AGBL4: variants seen among roughly 807,000 people sequenced by gnomAD.
AGBL4 encodes cytosolic carboxypeptidase 6.
A neutral mutation model predicts 66.4 loss-of-function variants in AGBL4; 58 were observed. That is an observed-to-expected ratio of 0.87 (90% CI 0.71 to 1.09). The LOEUF (loss-of-function observed/expected upper bound fraction) is 1.09, where lower values mean the gene tolerates loss of function less well. Ranked by LOEUF, AGBL4 falls within the 50% of genes least tolerant of loss-of-function variation. AGBL4 has a pLI of 0.00. For synonymous variants in AGBL4, 234 were observed against 222.9 expected, an observed-to-expected ratio of 1.05 and a Z score of -0.44; for missense variants, 579 against 631.0, an observed-to-expected ratio of 0.92 and a Z score of 0.88.
chr1:48,804,162 C>G (rs1350104140), intron 6 of AGBL4, among the ~76,000 whole-genome samples: 1 of 152,160 alleles, frequency 6.6e-6, no homozygotes, highest in Non-Finnish European at 1.5e-5. Flanking sequence ...ACTGCAACAA[C>G]TCTCTCCACC....
intron 5 of AGBL4, among the ~76,000 whole-genome samples, chr1:48,985,643 C>T (rs1480036929): frequency 2.0e-5 from 3 of 151,868 alleles, no homozygotes; most frequent in Non-Finnish European, 2.9e-5. Flanking sequence ...CTTCAAAGAA[C>T]GAAACTGTTT....
chr1:49,148,234 T>G (rs1646258120), intron 4 of AGBL4, among the ~76,000 whole-genome samples: 2 of 152,200 alleles, frequency 1.3e-5, no homozygotes, highest in Non-Finnish European at 2.9e-5. Context: ...GTGTCGTTAT[T>G]ATTACTATCT....
intron 3 of AGBL4, among the ~76,000 whole-genome samples, chr1:49,531,219 C>G (rs572271379): frequency 6.6e-6 from 1 of 152,244 alleles, no homozygotes; most frequent in African/African-American, 2.4e-5. Flanking sequence ...GAGACCTAAG[C>G]TGCTGAGAAG....
intron 3 of AGBL4, among the ~76,000 whole-genome samples, chr1:49,650,825 C>T (rs1473039691): frequency 5.9e-5 from 9 of 152,124 alleles, no homozygotes; most frequent in Admixed American, 1.3e-4. Flanking sequence ...GAAACAGATA[C>T]GGAGGAGTAA....
At chr1:49,018,073 G>A (rs1287679268) in intron 5 of AGBL4, among the ~76,000 whole-genome samples, 3 of 152,116 alleles carry the variant, frequency 2.0e-5, no homozygotes, top group Admixed American at 6.5e-5. Flanking sequence ...CTAGGAATAA[G>A]GGACCAGGTA....
chr1:49,436,250 A>C (rs1342389657), intron 3 of AGBL4, among the ~76,000 whole-genome samples: 2 of 152,198 alleles, frequency 1.3e-5, no homozygotes, highest in African/African-American at 2.4e-5. Flanking sequence ...GAAGTCGGTA[A>C]GTATAACAGT....
chr1:49,830,904 G>C (rs1180005671), intron 2 of AGBL4, among the ~76,000 whole-genome samples: 1 of 152,154 alleles, frequency 6.6e-6, no homozygotes, highest in East Asian at 1.9e-4. Context: ...GTTTGTCAAA[G>C]ATCAGATGGT....
In AGBL4 at chr1:49,629,830, TG is replaced by T. The variant is rs551764105; in HGVS notation, c.282+67482del. On this transcript the variant is annotated intron_variant, in intron 3 of 13. Transcript: ENST00000371839. ...GAAACATGGCCACCTCTTCTATTAA[TG>T]GTTTTCAGAAAACTGACTCAGGTCC... 1.5e-3 allele frequency among the ~76,000 whole-genome samples: 226 copies of T among 152,266 alleles called. 4 individuals carry two copies. Among genetic ancestry groups the T allele is most frequent in the African/African-American group, 5.3e-3 (219 of 41,552 alleles).
intron 1 of AGBL4, among the ~76,000 whole-genome samples, chr1:49,873,272 A>C (rs1224648768): frequency 6.6e-6 from 1 of 151,970 alleles, no homozygotes; most frequent in African/African-American, 2.4e-5. Context: ...TAAAATTATA[A>C]TAACATGGGA....
chr1:49,127,320 C>T (rs1645785773), intron 4 of AGBL4, among the ~76,000 whole-genome samples: 1 of 152,108 alleles, frequency 6.6e-6, no homozygotes, highest in South Asian at 2.1e-4. Flanking sequence ...TAAAATACTA[C>T]AAATTGGGTT....
At chr1:49,070,284 G>T (rs1191124004) in intron 4 of AGBL4, among the ~76,000 whole-genome samples, 1 of 151,942 alleles carries the variant, frequency 6.6e-6, no homozygotes, top group Non-Finnish European at 1.5e-5. Flanking sequence ...TAGGAGTGGT[G>T]AGAGAAGGTA....
chr1:49,959,015 TAA>T (rs558858713), intron 1 of AGBL4, among the ~76,000 whole-genome samples: 4 of 129,598 alleles, frequency 3.1e-5, no homozygotes, highest in Admixed American at 1.6e-4. Flanking sequence ...CAGCCCAAGA[TAA>T]AAAAAAAAAA....
intron 3 of AGBL4, among the ~76,000 whole-genome samples, chr1:49,454,386 C>T (rs1289378000): frequency 6.6e-6 from 1 of 151,746 alleles, no homozygotes; most frequent in Non-Finnish European, 1.5e-5. Context: ...GTGGAACAGG[C>T]TTCCTTGTGA....
At chr1:49,853,112 T>A (rs1457069252) in intron 1 of AGBL4, among the ~76,000 whole-genome samples, 2 of 152,018 alleles carry the variant, frequency 1.3e-5, no homozygotes, top group East Asian at 3.9e-4. Flanking sequence ...AGCCAAAATA[T>A]CAAGAAAAAA....
intron 1 of AGBL4, among the ~76,000 whole-genome samples, chr1:50,020,981 A>G (rs981059004): frequency 2.6e-5 from 4 of 152,206 alleles, no homozygotes; most frequent in Non-Finnish European, 5.9e-5. Context: ...AAAAGACAAT[A>G]AGGGTCAATA....
intron 5 of AGBL4, among the ~76,000 whole-genome samples, chr1:48,868,586 G>T (rs1221449766): frequency 6.6e-6 from 1 of 152,136 alleles, no homozygotes; most frequent in Admixed American, 6.5e-5. Flanking sequence ...CTAGCATGAT[G>T]CCTGGTACTT....
chr1:49,148,934 C>A (rs1646273587), intron 4 of AGBL4, among the ~76,000 whole-genome samples: 1 of 152,154 alleles, frequency 6.6e-6, no homozygotes. Flanking sequence ...AAGATTGGGC[C>A]ACCAGAATGG....
chr1:49,284,468 C>T (rs571259819), intron 3 of AGBL4, among the ~76,000 whole-genome samples: 40 of 151,828 alleles, frequency 2.6e-4, no homozygotes, highest in South Asian at 1.7e-3. Flanking sequence ...CATCAACTAA[C>T]GAGCAAAATC....
chr1:49,739,357 A>C (rs1650204268), intron 2 of AGBL4, among the ~76,000 whole-genome samples: 2 of 152,322 alleles, frequency 1.3e-5, no homozygotes, highest in South Asian at 4.1e-4. Flanking sequence ...TTTAGAGAAA[A>C]AAGAATAAAA....
Sources: allele counts gnomAD v4.1 joint callset (sites outside exome capture counted in the v4.1 genomes callset), GRCh38; gene constraint gnomAD v4.1.1; transcripts MANE v1.5; gene names NCBI Gene and HGNC (gene_info 2026-07-23, HGNC 2026-07-21).